RAD51B: variants seen among roughly 807,000 people sequenced by gnomAD.
RAD51B encodes RAD51 paralog B.
In RAD51B, 38 loss-of-function variants were observed where a neutral mutation model predicts 42.2. That is an observed-to-expected ratio of 0.90 (90% CI 0.70 to 1.18). The LOEUF (loss-of-function observed/expected upper bound fraction) is 1.18, where lower values mean the gene tolerates loss of function less well. Among genes scored for constraint, RAD51B ranks in the 50% most tolerant of loss-of-function variants. The pLI is 0.00. For missense variants in RAD51B, 373 were observed against 400.7 expected (o/e 0.93, Z 0.59); for synonymous variants, 154 against 145.2 (o/e 1.06, Z -0.43).
At chr14:68,270,994 C>T (rs905416576) in intron 7 of RAD51B, among the ~76,000 whole-genome samples, 2 of 152,132 alleles carry the variant, frequency 1.3e-5, no homozygotes, top group Non-Finnish European at 2.9e-5. Flanking sequence ...TGTGTACTGT[C>T]CTCTGCTTCA....
chr14:68,256,516 G>T lies in RAD51B; in HGVS notation c.757-35368G>T, dbSNP rs570677984. 3.3e-5 allele frequency among the ~76,000 whole-genome samples: 5 copies of T among 152,270 alleles called. No individual in the cohort carries two copies. In the East Asian group the frequency reaches 9.6e-4, roughly 29 times the overall value. ...TGATATGTCCCTTCTTGTCTCATCA[G>T]ACTCATTCCAGTGGATCCCCAGGAA... On this transcript the variant is annotated intron_variant, in intron 7 of 10. Coordinates refer to ENST00000471583, the MANE Select transcript of RAD51B (RefSeq NM_133510.4).
intron 7 of RAD51B, among the ~76,000 whole-genome samples, chr14:68,029,806 T>C (rs2076013069): frequency 6.6e-6 from 1 of 152,220 alleles, no homozygotes; most frequent in South Asian, 2.1e-4. Context: ...TCCGTATCTG[T>C]GGCACTTACA....
intron 7 of RAD51B, among the ~76,000 whole-genome samples, chr14:68,260,710 G>A (rs2080870260): frequency 6.6e-6 from 1 of 152,176 alleles, no homozygotes; most frequent in African/African-American, 2.4e-5. Flanking sequence ...AGGTCAGAGA[G>A]ACCTTTTTGC....
intron 8 of RAD51B, among the ~76,000 whole-genome samples, chr14:68,328,769 G>A (rs562545624): frequency 3.9e-5 from 6 of 152,270 alleles, no homozygotes; most frequent in South Asian, 2.1e-4. Flanking sequence ...AGCCTTCTGG[G>A]GAAGAGGAGC....
downstream of RAD51B, among the ~76,000 whole-genome samples, chr14:68,600,059 C>G (rs539750118): frequency 2.0e-5 from 3 of 152,298 alleles, no homozygotes; most frequent in East Asian, 5.8e-4. Context: ...TATACCCTGT[C>G]CCCCTACAGG....
intron 7 of RAD51B, among the ~76,000 whole-genome samples, chr14:68,260,369 C>T (rs375427777): frequency 1.4e-4 from 15 of 104,632 alleles, no homozygotes; most frequent in African/African-American, 4.7e-4. Flanking sequence ...AATTACCTCA[C>T]AAGTTTCATG....
intron 8 of RAD51B, among the ~76,000 whole-genome samples, chr14:68,299,939 C>T (rs2081691918): frequency 6.6e-6 from 1 of 152,178 alleles, no homozygotes; most frequent in African/African-American, 2.4e-5. Flanking sequence ...TTATCTTTCA[C>T]ACCTAGTAAT....
intron 8 of RAD51B, among the ~76,000 whole-genome samples, chr14:68,292,243 C>T (rs148890911): frequency 1.3e-3 from 195 of 152,296 alleles, no homozygotes; most frequent in Admixed American, 3.1e-3. Flanking sequence ...AGTATGAGGG[C>T]TGATGAATTG....
At chr14:68,388,219 G>C (rs1389343040) in intron 8 of RAD51B, among the ~76,000 whole-genome samples, 1 of 151,668 alleles carries the variant, frequency 6.6e-6, no homozygotes, top group Non-Finnish European at 1.5e-5. Context: ...TCAGCCTCCC[G>C]AGTAGGTGAG....
Position 68,291,902 on chromosome 14 carries a change from A to G in RAD51B, c.775A>G (p.Ile259Val), listed in dbSNP as rs375125758. ...TTCACAGGTTATCTTGACGAATCAG[A>G]TTACAACCCATCTGAGTGGAGCCCT... Reference protein sequence around the residue: ...FSIPVILTNQITTHLSGALAS... With the variant: ...FSIPVILTNQVTTHLSGALAS... The change falls in exon 8 of 11, where the codon ATT (isoleucine) becomes GTT (valine). Residue 259 changes from isoleucine to valine, a missense_variant. Transcript: ENST00000471583. 11 of 1,613,632 alleles carry G rather than the reference A, an allele frequency of 6.8e-6. No individual in the cohort carries two copies. The African/African-American group carries it at 9.3e-5, about 14-fold the overall frequency.
At chr14:68,299,424 C>T (rs186028404) in intron 8 of RAD51B, among the ~76,000 whole-genome samples, 2 of 152,244 alleles carry the variant, frequency 1.3e-5, no homozygotes, top group African/African-American at 2.4e-5. Context: ...ATTCCCTAAA[C>T]AGTACAGTAT....
chr14:68,560,054 C>G (rs1226661502), intron 10 of RAD51B, among the ~76,000 whole-genome samples: 1 of 152,180 alleles, frequency 6.6e-6, no homozygotes, highest in Non-Finnish European at 1.5e-5. Flanking sequence ...AGCTACTTCT[C>G]TTCTCTGCCT....
intron 7 of RAD51B, among the ~76,000 whole-genome samples, chr14:68,121,569 A>G (rs1280036517): frequency 6.6e-6 from 1 of 152,198 alleles, no homozygotes; most frequent in East Asian, 1.9e-4. Context: ...GCATTTCCAT[A>G]AACTTATTAA....
At chr14:67,845,093 C>T (rs1233476226) in intron 4 of RAD51B, among the ~76,000 whole-genome samples, 1 of 152,040 alleles carries the variant, frequency 6.6e-6, no homozygotes, top group African/African-American at 2.4e-5. Flanking sequence ...GGGCATTTAG[C>T]TTGTTTACAT....
intron 8 of RAD51B, among the ~76,000 whole-genome samples, chr14:68,319,582 A>G (rs8022860): frequency 0.69 from 104,656 of 151,968 alleles, 36,189 homozygotes; most frequent in Non-Finnish European, 0.73. Context: ...CCAGCTCTGG[A>G]GATCCAATTC....
intron 7 of RAD51B, among the ~76,000 whole-genome samples, chr14:67,995,280 G>C (rs1344974459): frequency 6.6e-6 from 1 of 151,872 alleles, no homozygotes; most frequent in Non-Finnish European, 1.5e-5. Context: ...CCAGCTACTC[G>C]GGAGGCTGAG....
At chr14:68,656,998 C>T (rs1595050211) in intron 11 of RAD51B, among the ~76,000 whole-genome samples, 1 of 152,336 alleles carries the variant, frequency 6.6e-6, no homozygotes, top group East Asian at 1.9e-4. Context: ...GAAAGAGCCT[C>T]AGTACAACCT....
intron 7 of RAD51B, among the ~76,000 whole-genome samples, chr14:67,992,656 A>G (rs2075314378): frequency 6.6e-6 from 1 of 152,176 alleles, no homozygotes; most frequent in Admixed American, 6.5e-5. Context: ...TATTATCAAA[A>G]CATGCCTGTT....
At chr14:67,992,587 C>T (rs2075313590) in intron 7 of RAD51B, among the ~76,000 whole-genome samples, 2 of 152,042 alleles carry the variant, frequency 1.3e-5, no homozygotes, top group Admixed American at 1.3e-4. Flanking sequence ...TGTCGTTTGG[C>T]TAAGAGGCAG....
Sources: gnomAD v4.1 joint callset for allele counts (sites outside exome capture counted in the v4.1 genomes callset) on GRCh38, gnomAD v4.1.1 for gene constraint, MANE v1.5 for transcripts, NCBI Gene and HGNC (gene_info 2026-07-23, HGNC 2026-07-21) for gene names.